Variants in CNTN5 observed in about 807,000 individuals in gnomAD.
CNTN5 encodes the protein contactin 5, also known as contactin-5.
A neutral mutation model predicts 129.1 loss-of-function variants in CNTN5; 77 were observed. That is an observed-to-expected ratio of 0.60 (90% CI 0.50 to 0.72). CNTN5 has a LOEUF of 0.72. Ranked by LOEUF, CNTN5 falls within the 30% of genes least tolerant of loss-of-function variation. CNTN5 has a pLI of 0.00. For missense variants in CNTN5, 1,478 were observed against 1,328.8 expected (o/e 1.11, Z -1.75); for synonymous variants, 509 against 465.6 (o/e 1.09, Z -1.20).
intron 3 of CNTN5, among the ~76,000 whole-genome samples, chr11:99,791,885 C>T (rs1163232882): frequency 2.6e-5 from 4 of 152,014 alleles, no homozygotes; most frequent in South Asian, 2.1e-4. Flanking sequence ...TGGATTTTTG[C>T]TCTTGTTTTG....
intron 21 of CNTN5, chr11:100,309,582 T>C: frequency 1.0e-6 from 1 of 983,408 alleles, no homozygotes; most frequent in Non-Finnish European, 1.2e-6. Flanking sequence ...ATGTGATGAA[T>C]ATTTCTGTTT....
chr11:99,121,104 T>A (rs978013696), intron 1 of CNTN5, among the ~76,000 whole-genome samples: 1 of 151,206 alleles, frequency 6.6e-6, no homozygotes, highest in African/African-American at 2.4e-5. Flanking sequence ...AGTAGGAATT[T>A]TCAAGGGTTT....
chr11:99,901,500 C>A (rs1949356084), intron 6 of CNTN5, among the ~76,000 whole-genome samples: 1 of 151,972 alleles, frequency 6.6e-6, no homozygotes, highest in South Asian at 2.1e-4. Flanking sequence ...ACCATGGTGA[C>A]CAGGCTAGTC....
chr11:99,852,293 A>T (rs1159955383), intron 6 of CNTN5, among the ~76,000 whole-genome samples: 2 of 152,180 alleles, frequency 1.3e-5, no homozygotes, highest in Non-Finnish European at 2.9e-5. Flanking sequence ...GGATTATTGG[A>T]TTAAGTTCAG....
chr11:99,711,483 A>G (rs1025385431), intron 3 of CNTN5, among the ~76,000 whole-genome samples: 1 of 150,520 alleles, frequency 6.6e-6, no homozygotes, highest in African/African-American at 2.5e-5. Flanking sequence ...GTTTGAAGAC[A>G]CAGTTTTTTT....
At chr11:99,342,571 CAAAAAAAAAAAA>C (rs58710723) in intron 2 of CNTN5, among the ~76,000 whole-genome samples, 6 of 24,514 alleles carry the variant, frequency 2.4e-4, no homozygotes, top group Admixed American at 1.6e-3. Context: ...CCCGTTATCT[CAAAAAAAAAAAA>C]AAAAAAAAAA....
intron 3 of CNTN5, among the ~76,000 whole-genome samples, chr11:99,722,902 A>G (rs756436451): frequency 2.0e-4 from 30 of 152,016 alleles, no homozygotes; most frequent in East Asian, 3.9e-4. Flanking sequence ...CGTGTCATCA[A>G]TCATCCTTGC....
intron 3 of CNTN5, among the ~76,000 whole-genome samples, chr11:99,813,991 A>C (rs1260466096): frequency 1.3e-5 from 2 of 152,178 alleles, no homozygotes; most frequent in African/African-American, 2.4e-5. Context: ...GTCTTGTTGT[A>C]ATAAAAATTA....
chr11:99,255,751 T>G (rs1479346905), intron 1 of CNTN5, among the ~76,000 whole-genome samples: 1 of 151,232 alleles, frequency 6.6e-6, no homozygotes, highest in East Asian at 1.9e-4. Context: ...TTTGTAATAT[T>G]TATTTATATA....
At chr11:99,744,034 C>G (rs1184963467) in intron 3 of CNTN5, among the ~76,000 whole-genome samples, 1 of 152,024 alleles carries the variant, frequency 6.6e-6, no homozygotes, top group Non-Finnish European at 1.5e-5. Context: ...AATTTCAACC[C>G]TTAAAAAGAA....
intron 13 of CNTN5, among the ~76,000 whole-genome samples, chr11:100,133,985 G>T (rs1382614268): frequency 6.6e-6 from 1 of 152,088 alleles, no homozygotes; most frequent in Non-Finnish European, 1.5e-5. Context: ...AGTCCAGCAG[G>T]TGAAATGTCA....
At chr11:100,104,944 T>C (rs1413737058) in intron 13 of CNTN5, among the ~76,000 whole-genome samples, 1 of 152,128 alleles carries the variant, frequency 6.6e-6, no homozygotes. Context: ...CCACATCAAC[T>C]AGCATGAGAG....
chr11:99,293,400 T>C (rs2135926051), intron 1 of CNTN5, among the ~76,000 whole-genome samples: 1 of 152,264 alleles, frequency 6.6e-6, no homozygotes, highest in South Asian at 2.1e-4. Flanking sequence ...CTTTTTTTGT[T>C]GTGCCTTTGT....
At chr11:99,895,737 CCAGAACAG>C (rs1949188462) in intron 6 of CNTN5, among the ~76,000 whole-genome samples, 1 of 152,112 alleles carries the variant, frequency 6.6e-6, no homozygotes. Context: ...CCTCGGGCTT[CCAGAACAG>C]CAGAGAGCTA....
intron 15 of CNTN5, among the ~76,000 whole-genome samples, chr11:100,204,773 A>C (rs1042131028): frequency 2.0e-5 from 3 of 152,066 alleles, no homozygotes; most frequent in Non-Finnish European, 4.4e-5. Context: ...AGTTGCTCAT[A>C]AAAGAGAAAA....
chr11:100,082,879 G>T (rs1478707413), intron 13 of CNTN5, among the ~76,000 whole-genome samples: 1 of 152,062 alleles, frequency 6.6e-6, no homozygotes, highest in African/African-American at 2.4e-5. Context: ...TAAAGAAAAA[G>T]AGGTTTAATT....
At chr11:99,748,183 T>C (rs950940676) in intron 3 of CNTN5, among the ~76,000 whole-genome samples, 3 of 152,178 alleles carry the variant, frequency 2.0e-5, no homozygotes, top group African/African-American at 7.2e-5. Flanking sequence ...TCTTGTATTC[T>C]TATCTGGCTT....
chr11:99,303,017 A>G (rs1351033222), intron 1 of CNTN5, among the ~76,000 whole-genome samples: 1 of 151,734 alleles, frequency 6.6e-6, no homozygotes, highest in Non-Finnish European at 1.5e-5. Flanking sequence ...AATATTTTTC[A>G]GGAGATTTCA....
chr11:99,783,861 C>T lies in CNTN5; in HGVS notation c.56-35683C>T, dbSNP rs561446755. ...GGGAGGGATTGCATTGGGAGATATA[C>T]CTAATGCTAGATGACGAGTTAGTGG... On this transcript the variant is annotated intron_variant, in intron 3 of 24. Transcript: ENST00000524871. Among the ~76,000 whole-genome samples the T allele has an allele frequency of 2.4e-3, 371 of 151,632 alleles. 4 individuals are homozygous for T. The highest frequency in any genetic ancestry group is 7.1e-3 in the African/African-American group (295 of 41,362).
Sources: gnomAD v4.1 joint callset for allele counts (sites outside exome capture counted in the v4.1 genomes callset) on GRCh38, gnomAD v4.1.1 for gene constraint, MANE v1.5 for transcripts, NCBI Gene and HGNC (gene_info 2026-07-23, HGNC 2026-07-21) for gene names.